The following MDGA2 variants were observed in gnomAD, a reference collection of about 807,000 sequenced individuals.
MDGA2 encodes MAM domain-containing glycosylphosphatidylinositol anchor protein 2.
A neutral mutation model predicts 117.8 loss-of-function variants in MDGA2; 40 were observed. That is an observed-to-expected ratio of 0.34 (90% CI 0.26 to 0.44). The LOEUF is 0.44. Among genes scored for constraint, MDGA2 ranks in the 20% least tolerant of loss-of-function variants. The pLI is 1.00. For synonymous variants in MDGA2, 452 were observed against 439.0 expected (o/e 1.03, Z -0.37); for missense variants, 1,123 against 1,250.6 (o/e 0.90, Z 1.54).
intron 3 of MDGA2, among the ~76,000 whole-genome samples, chr14:47,159,319 A>T (rs1413597471): frequency 6.6e-6 from 1 of 151,508 alleles, no homozygotes; most frequent in African/African-American, 2.4e-5. Context: ...TATAACACTT[A>T]AAAAAAAATC....
At chr14:47,355,902 A>T (rs1204599353) in intron 1 of MDGA2, among the ~76,000 whole-genome samples, 1 of 152,172 alleles carries the variant, frequency 6.6e-6, no homozygotes, top group East Asian at 1.9e-4. Context: ...TGCACATTTC[A>T]TCTGAGTGCA....
chr14:47,234,431 T>TATTC (rs1241264397), intron 2 of MDGA2, among the ~76,000 whole-genome samples: 1 of 152,098 alleles, frequency 6.6e-6, no homozygotes, highest in Non-Finnish European at 1.5e-5. Context: ...TCACATACTG[T>TATTC]ATTCCTTAAG....
At chr14:47,540,997 C>A (rs1895342364) in intron 1 of MDGA2, among the ~76,000 whole-genome samples, 1 of 152,060 alleles carries the variant, frequency 6.6e-6, no homozygotes, top group South Asian at 2.1e-4. Context: ...TCAGTAAATA[C>A]ATGTCAAATG....
chr14:47,206,547 C>T (rs1422809096), intron 3 of MDGA2, among the ~76,000 whole-genome samples: 3 of 151,890 alleles, frequency 2.0e-5, no homozygotes, highest in Non-Finnish European at 4.4e-5. Context: ...GTTAGGATCA[C>T]TCCACTGCAC....
At chr14:47,209,696 G>T (rs1050825240) in intron 3 of MDGA2, among the ~76,000 whole-genome samples, 6 of 152,298 alleles carry the variant, frequency 3.9e-5, no homozygotes, top group South Asian at 2.1e-4. Context: ...TAGATTGGTT[G>T]TATGTCCCAC....
intron 9 of MDGA2, among the ~76,000 whole-genome samples, chr14:46,938,320 C>G (rs1884858963): frequency 6.6e-6 from 1 of 151,714 alleles, no homozygotes; most frequent in Non-Finnish European, 1.5e-5. Flanking sequence ...GGGTGGATCA[C>G]CTGAGGTCAG....
intron 1 of MDGA2, among the ~76,000 whole-genome samples, chr14:47,433,504 C>A (rs1452542013): frequency 6.6e-6 from 1 of 152,022 alleles, no homozygotes; most frequent in Non-Finnish European, 1.5e-5. Flanking sequence ...ATGACTATTG[C>A]CAGTTTTGAA....
intron 2 of MDGA2, among the ~76,000 whole-genome samples, chr14:47,298,939 G>C (rs963289046): frequency 6.6e-6 from 1 of 151,960 alleles, no homozygotes; most frequent in African/African-American, 2.4e-5. Flanking sequence ...GCCCGCCTTG[G>C]CCTCCTAAAG....
intron 8 of MDGA2, among the ~76,000 whole-genome samples, chr14:47,000,377 T>TTTTA (rs1555342218): frequency 1.0e-5 from 1 of 100,026 alleles, no homozygotes; most frequent in South Asian, 2.6e-4. Context: ...ATATATATAT[T>TTTTA]TATATATATA....
At chr14:46,981,171 A>AGC (rs71448149) in intron 8 of MDGA2, among the ~76,000 whole-genome samples, 1 of 150,902 alleles carries the variant, frequency 6.6e-6, no homozygotes, top group African/African-American at 2.4e-5. Flanking sequence ...TGGGAGGCCA[A>AGC]GGGGGGGGCG....
chr14:47,019,901 T>C (rs1471114538), intron 8 of MDGA2, among the ~76,000 whole-genome samples: 1 of 151,752 alleles, frequency 6.6e-6, no homozygotes, highest in Admixed American at 6.6e-5. Flanking sequence ...AACCTCAGCA[T>C]CATATTTAAA....
At chr14:47,477,992 A>G (rs1594877907) in intron 1 of MDGA2, among the ~76,000 whole-genome samples, 2 of 152,222 alleles carry the variant, frequency 1.3e-5, no homozygotes, top group East Asian at 1.9e-4. Context: ...TGCCCTTCCC[A>G]CCGTATCTTG....
chr14:46,980,487 T>G (rs1886629642), intron 8 of MDGA2, among the ~76,000 whole-genome samples: 1 of 152,170 alleles, frequency 6.6e-6, no homozygotes, highest in Admixed American at 6.5e-5. Context: ...TTACATAATG[T>G]TCATTGATAA....
chr14:47,453,713 A>C (rs746167994), intron 1 of MDGA2, among the ~76,000 whole-genome samples: 1 of 152,226 alleles, frequency 6.6e-6, no homozygotes, highest in African/African-American at 2.4e-5. Context: ...ATTTCAGAGC[A>C]GTCATTCTGA....
At chr14:47,364,857 C>T (rs1891198330) in intron 1 of MDGA2, among the ~76,000 whole-genome samples, 1 of 152,158 alleles carries the variant, frequency 6.6e-6, no homozygotes, top group African/African-American at 2.4e-5. Flanking sequence ...CATTTTCCCC[C>T]ATAAACAACA....
chr14:47,629,509 A>G (rs1161384718), intron 1 of MDGA2, among the ~76,000 whole-genome samples: 2 of 152,210 alleles, frequency 1.3e-5, no homozygotes, highest in Non-Finnish European at 2.9e-5. Context: ...CCTCTCTGAA[A>G]ACGGGAGATC....
At chr14:47,484,375 G>A (rs1234794078) in intron 1 of MDGA2, among the ~76,000 whole-genome samples, 1 of 152,118 alleles carries the variant, frequency 6.6e-6, no homozygotes, top group Non-Finnish European at 1.5e-5. Flanking sequence ...CCATCCAATA[G>A]AGCAGCCCTT....
intron 7 of MDGA2, among the ~76,000 whole-genome samples, chr14:47,044,076 T>G (rs1889171443): frequency 6.6e-6 from 1 of 152,046 alleles, no homozygotes; most frequent in African/African-American, 2.4e-5. Flanking sequence ...TTAAAGGTTT[T>G]TTTTTTTCAA....
At chr14:47,444,175 C>T in intron 1 of MDGA2, 1 of 221,170 alleles carries the variant, frequency 4.5e-6, no homozygotes, top group South Asian at 7.7e-5. Context: ...TCCATGATGC[C>T]AGCTGAGGTT....
Sources: allele counts gnomAD v4.1 joint callset (sites outside exome capture counted in the v4.1 genomes callset), GRCh38; gene constraint gnomAD v4.1.1; transcripts MANE v1.5; gene names NCBI Gene and HGNC (gene_info 2026-07-23, HGNC 2026-07-21).